Variants in TANK observed in about 807,000 individuals in gnomAD.
TANK encodes the protein TRAF family member-associated NF-kappa-B activator.
A neutral mutation model predicts 43.6 loss-of-function variants in TANK; 15 were observed. The observed-to-expected ratio is 0.34, with a 90% CI of 0.23 to 0.53. The LOEUF (loss-of-function observed/expected upper bound fraction) is 0.53. Among genes scored for constraint, TANK ranks in the 20% least tolerant of loss-of-function variants. TANK has a pLI of 0.94. For synonymous variants in TANK, 162 were observed against 178.2 expected (o/e 0.91, Z 0.73); for missense variants, 417 against 498.6 (o/e 0.84, Z 1.56).
Position 161,236,111 on chromosome 2 carries a change from A to G in TANK, c.*593A>G, listed in dbSNP as rs2105188055. The G allele has an allele frequency of 6.6e-6, 1 of 151,912 alleles. No homozygotes were observed. Among genetic ancestry groups the G allele is most frequent in the South Asian group, 2.1e-4 (1 of 4,824 alleles). 9.4% of individuals were successfully genotyped at this position (151,912 alleles called of 1,614,324 possible). On this transcript the variant is annotated 3_prime_UTR_variant, in exon 8 of 8. Transcript: ENST00000392749. ...CACTTTAGATTTTTAAATAATATACATGGCTTTAATTTTTACTGTGTGTAT... is the reference window on the plus strand; with the variant it reads ...CACTTTAGATTTTTAAATAATATACGTGGCTTTAATTTTTACTGTGTGTAT...
intron 4 of TANK, among the ~76,000 whole-genome samples, chr2:161,208,606 C>G (rs1339354449): frequency 6.6e-6 from 1 of 152,062 alleles, no homozygotes; most frequent in African/African-American, 2.4e-5. Flanking sequence ...CCTGGGTGGC[C>G]CTGACTCAGG....
chr2:161,191,586 A>G (rs1363837908), intron 2 of TANK, among the ~76,000 whole-genome samples: 2 of 152,218 alleles, frequency 1.3e-5, no homozygotes, highest in Admixed American at 1.3e-4. Flanking sequence ...ATGAAGTGAG[A>G]GAGATGAAGT....
chr2:161,184,152 T>C (rs1368164902), intron 2 of TANK, among the ~76,000 whole-genome samples: 4 of 152,120 alleles, frequency 2.6e-5, no homozygotes, highest in East Asian at 1.9e-4. Flanking sequence ...AAGAGAATGA[T>C]GGGACATTCC....
At chr2:161,197,015 A>T (rs1686181743) in intron 2 of TANK, among the ~76,000 whole-genome samples, 1 of 152,236 alleles carries the variant, frequency 6.6e-6, no homozygotes, top group Non-Finnish European at 1.5e-5. Flanking sequence ...TTTGTAAAAA[A>T]GTGTGATACG....
intron 3 of TANK, 57 bp from the exon 4 acceptor site, chr2:161,204,618 A>T: frequency 2.0e-6 from 3 of 1,527,970 alleles, no homozygotes; most frequent in Non-Finnish European, 2.7e-6. Flanking sequence ...TTGCTTTTTC[A>T]GGTGGTACCA....
At chr2:161,150,749 C>T (rs1684055383) in intron 1 of TANK, among the ~76,000 whole-genome samples, 2 of 151,916 alleles carry the variant, frequency 1.3e-5, no homozygotes, top group East Asian at 1.9e-4. Context: ...TACCACCACA[C>T]CGAGCTAATT....
chr2:161,209,202 G>A (rs1374537936), intron 4 of TANK, among the ~76,000 whole-genome samples: 1 of 152,124 alleles, frequency 6.6e-6, no homozygotes, highest in African/African-American at 2.4e-5. Context: ...GAGAATAATA[G>A]CAATGCTTAG....
chr2:161,212,099 C>T (rs1388221113), intron 4 of TANK: 2 of 597,938 alleles, frequency 3.3e-6, no homozygotes, highest in Non-Finnish European at 4.2e-6. Flanking sequence ...CTCATTCTGT[C>T]ACCCATACTG....
chr2:161,208,202 A>G, intron 4 of TANK: 8 of 985,460 alleles, frequency 8.1e-6, no homozygotes, highest in Non-Finnish European at 9.6e-6. Flanking sequence ...GCCTTGGAAA[A>G]AAGAGACACA....
chr2:161,179,838 T>A, intron 2 of TANK, 77 bp downstream of exon 2: 1 of 1,494,538 alleles, frequency 6.7e-7, no homozygotes, highest in Non-Finnish European at 9.0e-7. Flanking sequence ...CTGAAAAATG[T>A]TATATTGTTA....
At chr2:161,214,016 T>C (rs1308915549) in intron 4 of TANK, among the ~76,000 whole-genome samples, 1 of 152,092 alleles carries the variant, frequency 6.6e-6, no homozygotes, top group East Asian at 1.9e-4. Context: ...TTGCAAATGT[T>C]GACCTATTAT....
intron 1 of TANK, chr2:161,161,526 A>G (rs1028045360): frequency 3.4e-6 from 5 of 1,477,360 alleles, no homozygotes; most frequent in Non-Finnish European, 4.5e-6. Flanking sequence ...AATCCTTCTC[A>G]GTCCTCTCCC....
chr2:161,149,135 T>C (rs1684001550), intron 1 of TANK, among the ~76,000 whole-genome samples: 1 of 152,208 alleles, frequency 6.6e-6, no homozygotes, highest in Non-Finnish European at 1.5e-5. Context: ...TAGGATGTCT[T>C]TCTACTTACT....
chr2:161,224,744 C>T lies in TANK; in HGVS notation c.518C>T (p.Thr173Ile). The T allele has an allele frequency of 6.7e-7, 1 of 1,488,094 alleles. No homozygotes were observed. The highest frequency in any genetic ancestry group is 9.1e-7 in the Non-Finnish European group (1 of 1,100,092). 92.2% of individuals were successfully genotyped at this position (1,488,094 alleles called of 1,614,324 possible). A position where few individuals can be genotyped will look rare whatever the true frequency, so the allele number is the denominator to read the frequency against. ...LSKLNIPDTA[T>I]ETQCSVPIQC... is the part of the protein sequence containing the mutation. ...AAACTTAATATACCAGACACTGCAA[C>T]TGGTAAGATTTAATTTAATTTACAG... Residue 173 changes from threonine (T) to isoleucine (I), a missense_variant and splice_region_variant, in exon 6 of 8, where the codon ACT becomes ATT. Physicochemically the swap from Thr to Ile is moderately conservative, Grantham distance 89. Transcript: ENST00000392749.
At chr2:161,147,382 G>C (rs1262795737) in intron 1 of TANK, among the ~76,000 whole-genome samples, 8 of 152,212 alleles carry the variant, frequency 5.3e-5, no homozygotes, top group African/African-American at 1.9e-4. Flanking sequence ...GGCTTAAGCA[G>C]ATTCTAGCTG....
chr2:161,141,776 T>C (rs576909866), intron 1 of TANK, among the ~76,000 whole-genome samples: 2 of 152,202 alleles, frequency 1.3e-5, no homozygotes, highest in Non-Finnish European at 2.9e-5. Flanking sequence ...TTGTAAATAG[T>C]GCTGCACGAA....
chr2:161,225,657 A>AT (rs1370257965), intron 6 of TANK, among the ~76,000 whole-genome samples: 1 of 152,130 alleles, frequency 6.6e-6, no homozygotes, highest in Non-Finnish European at 1.5e-5. Flanking sequence ...TACCTTTGTG[A>AT]TTTGAGCTAT....
chr2:161,207,477 T>G, intron 4 of TANK: 1 of 984,468 alleles, frequency 1.0e-6, no homozygotes, highest in Non-Finnish European at 1.2e-6. Context: ...TTCTCTTTTT[T>G]TATGTATCTC....
At chr2:161,220,740 T>A (rs1355101833) in intron 4 of TANK, among the ~76,000 whole-genome samples, 1 of 152,240 alleles carries the variant, frequency 6.6e-6, no homozygotes, top group Non-Finnish European at 1.5e-5. Context: ...ATAAAAGGAA[T>A]AAAATAATTT....
Sources: allele counts gnomAD v4.1 joint callset (sites outside exome capture counted in the v4.1 genomes callset), GRCh38; gene constraint gnomAD v4.1.1; transcripts MANE v1.5; gene names NCBI Gene and HGNC (gene_info 2026-07-23, HGNC 2026-07-21).